SLC2A6: variants seen among roughly 807,000 people sequenced by gnomAD.
SLC2A6 encodes solute carrier family 2 member 6, also known as solute carrier family 2, facilitated glucose transporter member 6.
In SLC2A6, 39 loss-of-function variants were observed where a neutral mutation model predicts 47.8. The ratio of observed to expected loss-of-function variants is 0.82; its 90% confidence interval spans 0.63 to 1.07. The LOEUF (loss-of-function observed/expected upper bound fraction) is 1.07. SLC2A6 is among the 50% of genes least tolerant of loss of function. The pLI is 0.00. For synonymous variants in SLC2A6, 346 were observed against 324.1 expected (o/e 1.07, Z -0.73); for missense variants, 650 against 707.6 (o/e 0.92, Z 0.92).
chr9:133,477,328 G>A, intron 2 of SLC2A6, 87 bp from the exon 3 acceptor site: 1 of 1,326,854 alleles, frequency 7.5e-7, no homozygotes, highest in Non-Finnish European at 1.0e-6. Context: ...TCTTCCCTAG[G>A]CCGACCCCAG....
At position 133,475,609 on chromosome 9, in the gene SLC2A6, G is replaced by T; in HGVS notation, c.565C>A (p.Leu189Ile). The T allele has an allele frequency of 1.3e-6, 2 of 1,585,424 alleles. No individual in the cohort carries two copies. Among genetic ancestry groups the T allele is most frequent in the Non-Finnish European group, 8.6e-7 (1 of 1,168,138 alleles). ...GCCAGCCAGCGCCACGGCAGCAGGA[G>T]GCCTGGGGGCGAGGGGTGGGTGAGG... ...FGSLSLYALG[L>I]LLPWRWLAVA... is the part of the protein sequence containing the mutation. Residue 189 changes from leucine (L) to isoleucine (I), a missense_variant and splice_region_variant, in exon 5 of 10, where the codon CTC (leucine) becomes ATC (isoleucine). By Grantham distance (5) the Leu-to-Ile change is conservative. Coordinates refer to ENST00000371899, the MANE Select transcript of SLC2A6 (RefSeq NM_017585.4).
Position 133,472,080 on chromosome 9 carries a change from G to T in SLC2A6, c.1465C>A (p.Arg489=), listed in dbSNP as rs267602153. 5.6e-6 allele frequency: 9 copies of T among 1,613,410 alleles called. No individual in the cohort carries two copies. The highest frequency in any genetic ancestry group is 7.6e-6 in the Non-Finnish European group (9 of 1,179,928). Reference sequence around the variant, plus strand: ...AAGGACTCGATCTGCTCCAGGGACCGTCCCTTGGTCTCGGGCACACAGCAG... The same window carrying T: ...AAGGACTCGATCTGCTCCAGGGACCTTCCCTTGGTCTCGGGCACACAGCAG... The part of the protein sequence containing the change: ...TGCCVPETKG[R]SLEQIESFFR... The change falls in exon 10 of 10, where the codon CGG becomes AGG. Residue 489 remains arginine, a synonymous_variant. Coordinates refer to ENST00000371899, the MANE Select transcript of SLC2A6 (RefSeq NM_017585.4).
At chr9:133,478,792 C>T (rs960959560) in intron 1 of SLC2A6, 176 bp downstream of exon 1, 11 of 617,142 alleles carry the variant, frequency 1.8e-5, no homozygotes, top group Non-Finnish European at 3.0e-5. Context: ...TCGTTCCTTC[C>T]CTTAGGGGGA....
intron 2 of SLC2A6, 126 bp from the exon 3 acceptor site, chr9:133,477,367 G>C (rs1843997825): frequency 2.3e-6 from 2 of 887,232 alleles, no homozygotes; most frequent in Non-Finnish European, 3.4e-6. Flanking sequence ...GCCAAGTCAA[G>C]CACTTGAAAC....
At chr9:133,475,379 C>T (rs782544431) in intron 5 of SLC2A6, 21 bp downstream of exon 5, 18 of 1,565,108 alleles carry the variant, frequency 1.2e-5, no homozygotes, top group African/African-American at 5.4e-5. Context: ...CTGCCCGGTT[C>T]GGGCGCACAC....
At chr9:133,477,384 C>T in intron 2 of SLC2A6, 143 bp from the exon 3 acceptor site, 1 of 748,026 alleles carries the variant, frequency 1.3e-6, no homozygotes, top group Non-Finnish European at 2.2e-6. Context: ...AAACAGGGAG[C>T]CTCCTGTCTT....
rs901182095 is a variant in SLC2A6 at position 133,474,758 on chromosome 9, A to G, written c.927+203T>C. On this transcript the variant is annotated intron_variant, in intron 6 of 9. Transcript: ENST00000371899. ...AAACACTTAAGCTTATCTTAAAAAC[A>G]TTCTGAGAACAGGTGAAGGCACTGG... Among the ~76,000 whole-genome samples the G allele has an allele frequency of 4.6e-5, 7 of 152,354 alleles. No homozygotes were observed. In the East Asian group the frequency reaches 9.7e-4, roughly 21 times the overall value.
chr9:133,473,025 G>T (rs972914655), intron 9 of SLC2A6, 80 bp downstream of exon 9: 2 of 1,456,952 alleles, frequency 1.4e-6, no homozygotes, highest in Middle Eastern at 2.5e-4. Flanking sequence ...AGCAGGCCTT[G>T]GCACAGCCCC....
chr9:133,478,162 A>G (rs1358982572), intron 2 of SLC2A6, 92 bp downstream of exon 2: 1 of 1,423,292 alleles, frequency 7.0e-7, no homozygotes, highest in African/African-American at 1.4e-5. Context: ...AGGGACCCCC[A>G]AGGTGGAGAA....
At position 133,473,657 on chromosome 9, in the gene SLC2A6, TCA is replaced by T. The variant is rs1843823859; in HGVS notation, c.1037-59_1037-58del. The T allele has an allele frequency of 1.0e-5, 15 of 1,445,976 alleles. No homozygotes were observed. The South Asian group carries it at 2.2e-4, about 21-fold the overall frequency. 89.6% of individuals were successfully genotyped at this position (1,445,976 alleles called of 1,614,324 possible). On this transcript the variant is annotated intron_variant, in intron 7 of 9. Transcript: ENST00000371899. Reference sequence around the variant, plus strand: ...GGACCCTCTGAGCCAGCTGTTTCTCTCAGAGCTCCTTCTGCAGAGCCCCTTGA... The same window carrying T: ...GGACCCTCTGAGCCAGCTGTTTCTCTGAGCTCCTTCTGCAGAGCCCCTTGA...
intron 6 of SLC2A6, 121 bp from the exon 7 acceptor site, chr9:133,474,209 G>A (rs1210959229): frequency 4.2e-6 from 3 of 706,096 alleles, no homozygotes; most frequent in Non-Finnish European, 6.9e-6. Context: ...GCAGTACTGA[G>A]TGGCCTGGCA....
chr9:133,473,751 G>T, intron 7 of SLC2A6, 151 bp from the exon 8 acceptor site: 1 of 870,990 alleles, frequency 1.1e-6, no homozygotes, highest in Non-Finnish European at 1.7e-6. Flanking sequence ...TCTGTCTCCA[G>T]CCGCGTGTTA....
At chr9:133,473,944 G>C in intron 7 of SLC2A6, 36 bp downstream of exon 7, 2 of 1,503,278 alleles carry the variant, frequency 1.3e-6, no homozygotes, top group Non-Finnish European at 1.8e-6. Flanking sequence ...CCCATGCGGA[G>C]GAGTGGGGCA....
At chr9:133,478,556 G>A (rs1844049071) in intron 1 of SLC2A6, 140 bp from the exon 2 acceptor site, 1 of 890,634 alleles carries the variant, frequency 1.1e-6, no homozygotes, top group South Asian at 1.7e-5. Context: ...ACGTTCCCAG[G>A]GCCTGAGCCC....
At chr9:133,478,181 G>T in intron 2 of SLC2A6, 73 bp downstream of exon 2, 1 of 1,543,906 alleles carries the variant, frequency 6.5e-7, no homozygotes, top group Non-Finnish European at 8.9e-7. Flanking sequence ...AATTTGGGAG[G>T]TTCCTAGCTG....
At chr9:133,476,411 G>T in intron 3 of SLC2A6, 75 bp from the exon 4 acceptor site, 1 of 1,320,036 alleles carries the variant, frequency 7.6e-7, no homozygotes, top group Non-Finnish European at 1.1e-6. Context: ...GGGAGAGTCA[G>T]CCCCTGTGAA....
At chr9:133,475,272 C>A in intron 5 of SLC2A6, 128 bp downstream of exon 5, 1 of 1,364,348 alleles carries the variant, frequency 7.3e-7, no homozygotes, top group Non-Finnish European at 9.7e-7. Context: ...CAGCCCCCCA[C>A]CCCAACCCAG....
intron 1 of SLC2A6, 54 bp from the exon 2 acceptor site, chr9:133,478,470 ACCATTGC>A: frequency 6.2e-7 from 1 of 1,600,866 alleles, no homozygotes; most frequent in Non-Finnish European, 8.5e-7. Flanking sequence ...TCCTCCAGGG[ACCATTGC>A]CTTTTCTGAA....
At chr9:133,477,738 G>A (rs587614111) in intron 2 of SLC2A6, among the ~76,000 whole-genome samples, 1 of 152,344 alleles carries the variant, frequency 6.6e-6, no homozygotes, top group South Asian at 2.1e-4. Context: ...AACGTTCAGT[G>A]CCCAACACAT....
Sources: allele counts gnomAD v4.1 joint callset (sites outside exome capture counted in the v4.1 genomes callset), GRCh38; gene constraint gnomAD v4.1.1; transcripts MANE v1.5; gene names NCBI Gene and HGNC (gene_info 2026-07-23, HGNC 2026-07-21).